The following PRSS55 variants were observed in gnomAD, a reference collection of about 807,000 sequenced individuals.
PRSS55 encodes the protein serine protease 55.
Under a neutral mutation model 23.6 loss-of-function variants are expected in PRSS55, and 41 were observed. The ratio of observed to expected loss-of-function variants is 1.74; its 90% CI spans 1.35 to 2.26. PRSS55 has a LOEUF of 2.26. Among genes scored for constraint, PRSS55 ranks in the 30% most tolerant of loss-of-function variants. The pLI, the probability that PRSS55 is intolerant of heterozygous loss-of-function variation, is 0.00. For synonymous variants in PRSS55, 262 were observed against 175.5 expected (o/e 1.49, Z -3.90); for missense variants, 669 against 439.1 (o/e 1.52, Z -4.68).
chr8:10,525,726 C>G lies in PRSS55; in HGVS notation c.141C>G (p.Pro47=), dbSNP rs768523917. The change falls in exon 1 of 5, where the codon CCC becomes CCG. Residue 47 remains proline (P), a synonymous_variant. Transcript: ENST00000328655. ...ACCGCCCTCAGCCCCCTCATCCCCCCAGCCCAGTCAGTGGTGAGTACAGGG... is the reference window on the plus strand; with the variant it reads ...ACCGCCCTCAGCCCCCTCATCCCCCGAGCCCAGTCAGTGGTGAGTACAGGG... ...GAHRPQPPHP[P]SPVSECGDRS... is the part of the protein sequence containing the mutation. The G allele has an allele frequency of 4.4e-6, 7 of 1,607,142 alleles. No homozygotes were observed. The highest frequency in any genetic ancestry group is 5.1e-6 in the Non-Finnish European group (6 of 1,177,022).
At chr8:10,545,400 G>A (rs1284009091) in intron 4 of PRSS55, among the ~76,000 whole-genome samples, 4 of 152,064 alleles carry the variant, frequency 2.6e-5, no homozygotes, top group African/African-American at 4.8e-5. Context: ...TCACCATGTT[G>A]CCCAGGCTGC....
At chr8:10,527,602 G>C (rs1385729480) in intron 1 of PRSS55, among the ~76,000 whole-genome samples, 2 of 152,280 alleles carry the variant, frequency 1.3e-5, no homozygotes, top group Non-Finnish European at 2.9e-5. Context: ...AAGTGAGCCA[G>C]GTAGCTGCCT....
chr8:10,543,453 T>A (rs375662459), downstream of PRSS55, among the ~76,000 whole-genome samples: 2 of 19,226 alleles, frequency 1.0e-4, no homozygotes, highest in Admixed American at 6.9e-4. Flanking sequence ...CCATCCTTCC[T>A]TCCTTCCTTC....
In PRSS55 at chr8:10,529,577, G is replaced by A; in HGVS notation, c.225G>A (p.Glu75=). 1 of 1,614,226 alleles carries A rather than the reference G, an allele frequency of 6.2e-7. No homozygotes were observed. Among genetic ancestry groups the A allele is most frequent in the Non-Finnish European group, 8.5e-7 (1 of 1,180,036 alleles). Residue 75 remains glutamate (E), a synonymous_variant, in exon 2 of 5, where the codon GAG becomes GAA. Coordinates refer to ENST00000328655, the MANE Select transcript of PRSS55 (RefSeq NM_198464.4). ...YSRITGGMEA[E]VGEFPWQVSI... ...GAATCACAGGGGGGATGGAGGCGGA[G>A]GTGGGTGAGTTTCCGTGGCAGGTGA...
intron 4 of PRSS55, among the ~76,000 whole-genome samples, chr8:10,546,353 C>A (rs1812817660): frequency 6.6e-6 from 1 of 152,190 alleles, no homozygotes; most frequent in South Asian, 2.1e-4. Context: ...CCCAGGGTTG[C>A]CACAGACCCC....
At chr8:10,553,626 G>T (rs1295227101) in intron 4 of PRSS55, among the ~76,000 whole-genome samples, 2 of 152,232 alleles carry the variant, frequency 1.3e-5, no homozygotes, top group African/African-American at 4.8e-5. Flanking sequence ...GAGTAGAATG[G>T]TGGTTATGAG....
In PRSS55 at chr8:10,529,463, T is replaced by G. The variant is rs773397681; in HGVS notation, c.155-44T>G. ...TCCCCAGCTCACACTGGATGCTGAC[T>G]AAGTGTTTCCCCTTTTCCTTTCCAC... On this transcript the variant is annotated intron_variant, in intron 1 of 4. Coordinates refer to ENST00000328655, the MANE Select transcript of PRSS55 (RefSeq NM_198464.4). 6.3e-6 allele frequency: 10 copies of G among 1,593,578 alleles called. No individual in the cohort carries two copies. In the South Asian group the frequency reaches 9.9e-5, roughly 16 times the overall value.
At chr8:10,543,004 T>C (rs1258385738), downstream of PRSS55, among the ~76,000 whole-genome samples, 1 of 152,070 alleles carries the variant, frequency 6.6e-6, no homozygotes, top group Non-Finnish European at 1.5e-5. Context: ...GGAACCCTCT[T>C]CCTTATTGCA....
chr8:10,546,647 A>G (rs1812825316), intron 4 of PRSS55, among the ~76,000 whole-genome samples: 1 of 152,046 alleles, frequency 6.6e-6, no homozygotes, highest in African/African-American at 2.4e-5. Flanking sequence ...CTCACCACCT[A>G]CAGGCAGCCC....
chr8:10,551,140 C>G (rs138315430), intron 4 of PRSS55, among the ~76,000 whole-genome samples: 1 of 152,186 alleles, frequency 6.6e-6, no homozygotes, highest in Non-Finnish European at 1.5e-5. Flanking sequence ...GGAAGGATAT[C>G]CTTTAAAAGC....
chr8:10,536,183 T>C (rs1347085788), intron 4 of PRSS55, among the ~76,000 whole-genome samples: 1 of 151,940 alleles, frequency 6.6e-6, no homozygotes, highest in East Asian at 1.9e-4. Context: ...CGAGACTCTG[T>C]CTCAAAAGGC....
chr8:10,541,399 A>G (rs1032747938), downstream of PRSS55: 2 of 152,206 alleles, frequency 1.3e-5, no homozygotes, highest in African/African-American at 4.8e-5. Context: ...ACAAGAGGGA[A>G]TTCCTCAGCC....
At chr8:10,551,518 G>A (rs1812950399) in intron 4 of PRSS55, among the ~76,000 whole-genome samples, 5 of 152,230 alleles carry the variant, frequency 3.3e-5, no homozygotes, top group African/African-American at 9.6e-5. Context: ...ATGAACTGAG[G>A]ACACAAATCC....
At chr8:10,525,857 T>C in intron 1 of PRSS55, 118 bp downstream of exon 1, 2 of 1,054,122 alleles carry the variant, frequency 1.9e-6, no homozygotes, top group Non-Finnish European at 2.7e-6. Context: ...ATACCCCTTC[T>C]CCAAACCACT....
intron 3 of PRSS55, chr8:10,531,851 C>T (rs893240210): frequency 5.6e-6 from 2 of 356,768 alleles, no homozygotes; most frequent in Non-Finnish European, 1.0e-5. Flanking sequence ...AAACATCTTC[C>T]CTGATTCCCA....
chr8:10,525,815 G>A lies in PRSS55; in HGVS notation c.154+76G>A. The A allele has an allele frequency of 3.4e-6, 5 of 1,468,354 alleles. No individual in the cohort carries two copies. The South Asian group carries it at 4.0e-5, about 12-fold the overall frequency. The allele number at this position is 1,468,354 out of a possible 1,614,324, so 91.0% of individuals were successfully genotyped here. ...CTGGCTGCCAGGAGGGTGGATCGCA[G>A]AGCACAAGGCCAGAGCTCCAGGGCT... On this transcript the variant is annotated intron_variant, in intron 1 of 4. Transcript: ENST00000328655.
intron 4 of PRSS55, among the ~76,000 whole-genome samples, chr8:10,548,954 CTGTG>C (rs1812888701): frequency 6.6e-6 from 1 of 152,214 alleles, no homozygotes; most frequent in Non-Finnish European, 1.5e-5. Flanking sequence ...ATCAAGCCCA[CTGTG>C]TGTCTTATCG....
intron 4 of PRSS55, among the ~76,000 whole-genome samples, chr8:10,534,745 G>C (rs190740853): frequency 2.0e-5 from 3 of 152,216 alleles, no homozygotes; most frequent in African/African-American, 4.8e-5. Flanking sequence ...GAAATGAAAG[G>C]CATCCAAATA....
chr8:10,534,111 A>G (rs1812371172), intron 4 of PRSS55, among the ~76,000 whole-genome samples: 1 of 130,052 alleles, frequency 7.7e-6, no homozygotes, highest in South Asian at 2.6e-4. Flanking sequence ...TGGGCAATTT[A>G]AAATATTACC....
Sources: gnomAD v4.1 joint callset for allele counts (sites outside exome capture counted in the v4.1 genomes callset) on GRCh38, gnomAD v4.1.1 for gene constraint, MANE v1.5 for transcripts, NCBI Gene and HGNC (gene_info 2026-07-23, HGNC 2026-07-21) for gene names.